The following RAPGEF5 variants were observed in gnomAD, a reference collection of about 807,000 sequenced individuals.
RAPGEF5 encodes the protein Rap guanine nucleotide exchange factor 5, also known as M-Ras-regulated GEF.
A neutral mutation model predicts 125.2 loss-of-function variants in RAPGEF5; 65 were observed. That is an observed-to-expected ratio of 0.52 (90% CI 0.43 to 0.64). The LOEUF (loss-of-function observed/expected upper bound fraction) is 0.64. RAPGEF5 is among the 30% of genes least tolerant of loss of function. RAPGEF5 has a pLI of 0.00. For missense variants in RAPGEF5, 958 were observed against 1,048.1 expected (o/e 0.91, Z 1.19); for synonymous variants, 391 against 385.9 (o/e 1.01, Z -0.16).
rs570653754 is a variant in RAPGEF5, at chr7:22,144,991, T to G, written c.2186+53A>C. 13 of 1,551,870 alleles carry G rather than the reference T, an allele frequency of 8.4e-6. 1 individual carries two copies. In the South Asian group the frequency reaches 1.5e-4, roughly 17 times the overall value. ...ATAAGAAAGAAAGAAAGAAGAACAA[T>G]GTACTCTCTCAAGAAGACTAGAGGA... On this transcript the variant is annotated intron_variant, in intron 20 of 25. Coordinates refer to ENST00000665637, the MANE Select transcript of RAPGEF5 (RefSeq NM_012294.5).
intron 23 of RAPGEF5, among the ~76,000 whole-genome samples, chr7:22,135,810 T>G (rs550193034): frequency 6.6e-6 from 1 of 152,284 alleles, no homozygotes; most frequent in South Asian, 2.1e-4. Flanking sequence ...CCAAGTTTTG[T>G]GAGTCAAGTG....
intron 1 of RAPGEF5, among the ~76,000 whole-genome samples, chr7:22,340,160 T>C (rs1424158063): frequency 1.3e-5 from 2 of 152,130 alleles, no homozygotes; most frequent in Non-Finnish European, 2.9e-5. Flanking sequence ...GGCAAACTGA[T>C]GGTTTGGTGC....
chr7:22,212,271 C>G (rs1785527966), intron 9 of RAPGEF5, among the ~76,000 whole-genome samples: 1 of 152,176 alleles, frequency 6.6e-6, no homozygotes, highest in Non-Finnish European at 1.5e-5. Flanking sequence ...CCACACCCGG[C>G]CTCACATGTG....
intron 4 of RAPGEF5, among the ~76,000 whole-genome samples, chr7:22,309,547 T>A (rs1390612123): frequency 2.0e-5 from 3 of 152,210 alleles, no homozygotes; most frequent in Non-Finnish European, 4.4e-5. Flanking sequence ...AGGTCATATA[T>A]CAAAGTGTTC....
intron 8 of RAPGEF5, 114 bp from the exon 9 acceptor site, chr7:22,220,105 C>T: frequency 1.5e-6 from 2 of 1,325,466 alleles, no homozygotes; most frequent in Non-Finnish European, 2.1e-6. Flanking sequence ...TGGATTAAAT[C>T]ATGGTCTTGG....
At chr7:22,170,312 C>T (rs544601539) in intron 11 of RAPGEF5, among the ~76,000 whole-genome samples, 6 of 152,306 alleles carry the variant, frequency 3.9e-5, no homozygotes, top group Admixed American at 2.0e-4. Flanking sequence ...GCCTTGGCCT[C>T]CCAAAGTGCT....
chr7:22,196,038 C>T (rs567212923), intron 9 of RAPGEF5, among the ~76,000 whole-genome samples: 1 of 152,256 alleles, frequency 6.6e-6, no homozygotes, highest in South Asian at 2.1e-4. Flanking sequence ...CACACAGCAG[C>T]CACACTCTGC....
intron 16 of RAPGEF5, among the ~76,000 whole-genome samples, chr7:22,155,174 A>C (rs1981598): frequency 0.98 from 148,727 of 152,314 alleles, 72,622 homozygotes; most frequent in East Asian, 0.99. Flanking sequence ...TTTAAGAATG[A>C]CTCCATTTCT....
intron 1 of RAPGEF5, among the ~76,000 whole-genome samples, chr7:22,336,262 A>C (rs1208554857): frequency 6.6e-6 from 1 of 152,214 alleles, no homozygotes; most frequent in East Asian, 1.9e-4. Flanking sequence ...CATCATGTCC[A>C]CATATAGTCT....
intron 7 of RAPGEF5, among the ~76,000 whole-genome samples, chr7:22,240,690 G>C (rs1238606889): frequency 6.6e-6 from 1 of 150,958 alleles, no homozygotes; most frequent in African/African-American, 2.4e-5. Flanking sequence ...CTTTTTTTTT[G>C]TGCCTTTCAA....
intron 6 of RAPGEF5, among the ~76,000 whole-genome samples, chr7:22,286,864 C>T (rs1301057830): frequency 6.6e-6 from 1 of 152,208 alleles, no homozygotes; most frequent in East Asian, 1.9e-4. Context: ...TAAAACAATG[C>T]TCAGAACTTC....
At position 22,121,226 on chromosome 7, in the gene RAPGEF5, G is replaced by GGAA. The variant is rs878915299; in HGVS notation, c.*1179_*1180insTTC. On this transcript the variant is annotated 3_prime_UTR_variant, in exon 26 of 26. Coordinates refer to ENST00000665637, the MANE Select transcript of RAPGEF5 (RefSeq NM_012294.5). ...TAAGATTTTAGAAGACTCAGATTTTGAAAAAAAAAAAAAAAAAGGCAAATT... is the reference window on the plus strand; with the variant it reads ...TAAGATTTTAGAAGACTCAGATTTTGGAAAAAAAAAAAAAAAAAAAGGCAAATT... 1.4e-4 allele frequency: 16 copies of GGAA among 112,452 alleles called. No homozygotes were observed. The highest frequency in any genetic ancestry group is 1.3e-3 in the East Asian group (5 of 3,880). 7.0% of individuals were successfully genotyped at this position (112,452 alleles called of 1,614,324 possible).
At chr7:22,340,926 C>A (rs905445089) in intron 1 of RAPGEF5, among the ~76,000 whole-genome samples, 1 of 152,154 alleles carries the variant, frequency 6.6e-6, no homozygotes, top group African/African-American at 2.4e-5. Flanking sequence ...TGGAGCAAAA[C>A]CAAAGGGTTC....
intron 9 of RAPGEF5, among the ~76,000 whole-genome samples, chr7:22,203,831 G>A (rs1785335967): frequency 6.6e-6 from 1 of 152,108 alleles, no homozygotes; most frequent in Non-Finnish European, 1.5e-5. Flanking sequence ...ATGGTACAGT[G>A]TGCACACATG....
intron 1 of RAPGEF5, among the ~76,000 whole-genome samples, chr7:22,333,380 A>T (rs961672966): frequency 2.0e-5 from 3 of 152,152 alleles, no homozygotes; most frequent in Non-Finnish European, 4.4e-5. Flanking sequence ...TTTTTTAAGT[A>T]AAGCTTCCCT....
chr7:22,339,211 G>A (rs1020298729), intron 1 of RAPGEF5, among the ~76,000 whole-genome samples: 3 of 152,216 alleles, frequency 2.0e-5, no homozygotes, highest in African/African-American at 7.2e-5. Context: ...CCACCCCAGA[G>A]GAAGAATCAG....
At chr7:22,229,393 A>G (rs1482189159) in intron 8 of RAPGEF5, among the ~76,000 whole-genome samples, 2 of 152,192 alleles carry the variant, frequency 1.3e-5, no homozygotes, top group Admixed American at 1.3e-4. Flanking sequence ...TTCATCATCT[A>G]TGCGGAAGAA....
chr7:22,289,709 G>A (rs1294053008), intron 6 of RAPGEF5, among the ~76,000 whole-genome samples: 1 of 152,124 alleles, frequency 6.6e-6, no homozygotes, highest in African/African-American at 2.4e-5. Context: ...GATATGATTA[G>A]GCTTTGAGTC....
rs542594059 is a variant in RAPGEF5, at chr7:22,183,708, A to G, written c.1204+9659T>C. ...CACTGAAACTGACTTCGAGGAAATA[A>G]GCAGTCACATGCATATGTCATTTAG... On this transcript the variant is annotated intron_variant, in intron 11 of 25. Transcript: ENST00000665637. 2.0e-5 allele frequency among the ~76,000 whole-genome samples: 3 copies of G among 152,348 alleles called. No homozygotes were observed. In the East Asian group the frequency reaches 5.8e-4, roughly 29 times the overall value.
Sources: gnomAD v4.1 joint callset for allele counts (sites outside exome capture counted in the v4.1 genomes callset) on GRCh38, gnomAD v4.1.1 for gene constraint, MANE v1.5 for transcripts, NCBI Gene and HGNC (gene_info 2026-07-23, HGNC 2026-07-21) for gene names.